SGK1: variants seen among roughly 807,000 people sequenced by gnomAD.
SGK1 encodes serum/glucocorticoid regulated kinase 1, also known as serine/threonine-protein kinase Sgk1.
SGK1 carries 26 observed loss-of-function variants against 64.2 expected under a neutral mutation model. The ratio of observed to expected loss-of-function variants is 0.40; its 90% CI spans 0.30 to 0.56. The LOEUF (loss-of-function observed/expected upper bound fraction) is 0.56, where lower values mean the gene tolerates loss of function less well. Ranked by LOEUF, SGK1 falls within the 20% of genes least tolerant of loss-of-function variation. The pLI, the probability that SGK1 is intolerant of heterozygous loss-of-function variation, is 0.38. For missense variants in SGK1, 519 were observed against 645.6 expected, an observed-to-expected ratio of 0.80 and a Z score of 2.12; for synonymous variants, 265 against 239.7, an observed-to-expected ratio of 1.11 and a Z score of -0.98.
intron 1 of SGK1, among the ~76,000 whole-genome samples, chr6:134,293,593 T>A (rs1364850433): frequency 1.3e-5 from 2 of 152,074 alleles, no homozygotes; most frequent in Non-Finnish European, 2.9e-5. Flanking sequence ...AGAACAGAAA[T>A]CAGACCACTT....
intron 10 of SGK1, 45 bp downstream of exon 10, chr6:134,172,146 CTT>C (rs765092308): frequency 3.1e-5 from 49 of 1,603,968 alleles, no homozygotes; most frequent in Middle Eastern, 3.3e-4. Flanking sequence ...ACATCTCTCT[CTT>C]GGAAGGCGGG....
chr6:134,266,811 GTAC>G (rs1489008376), intron 1 of SGK1, among the ~76,000 whole-genome samples: 8 of 152,064 alleles, frequency 5.3e-5, no homozygotes, highest in African/African-American at 1.9e-4. Flanking sequence ...CTTAATGTTA[GTAC>G]TAAATGTGTT....
At chr6:134,313,823 A>G (rs897729083) in intron 1 of SGK1, among the ~76,000 whole-genome samples, 13 of 152,188 alleles carry the variant, frequency 8.5e-5, no homozygotes, top group Non-Finnish European at 1.9e-4. Flanking sequence ...AGTTGGAGAC[A>G]ATGTCATTTG....
At chr6:134,228,841 CTTTTT>C (rs754300980) in intron 2 of SGK1, among the ~76,000 whole-genome samples, 2 of 129,944 alleles carry the variant, frequency 1.5e-5, no homozygotes, top group Non-Finnish European at 1.6e-5. Flanking sequence ...TGTAGTTGTT[CTTTTT>C]TTTTTTTTTT....
chr6:134,254,114 C>T (rs1469122817), intron 2 of SGK1, among the ~76,000 whole-genome samples: 15 of 126,792 alleles, frequency 1.2e-4, no homozygotes, highest in African/African-American at 2.1e-4. Context: ...CTAGTCTCTC[C>T]TTTTTTTTTT....
intron 3 of SGK1, among the ~76,000 whole-genome samples, chr6:134,178,334 G>A (rs1775280118): frequency 6.6e-6 from 1 of 152,152 alleles, no homozygotes; most frequent in Non-Finnish European, 1.5e-5. Flanking sequence ...TACGTGATGG[G>A]TGGAGCAGGC....
intron 2 of SGK1, among the ~76,000 whole-genome samples, chr6:134,233,608 A>G (rs1451479870): frequency 2.0e-5 from 3 of 152,158 alleles, no homozygotes; most frequent in African/African-American, 7.2e-5. Context: ...GTATTAACGA[A>G]CTCGAAATTG....
At chr6:134,228,185 C>A (rs1022522712) in intron 2 of SGK1, among the ~76,000 whole-genome samples, 1 of 152,048 alleles carries the variant, frequency 6.6e-6, no homozygotes, top group African/African-American at 2.4e-5. Flanking sequence ...GAACTCCTGA[C>A]CTCAGGTGAT....
intron 3 of SGK1, among the ~76,000 whole-genome samples, chr6:134,179,799 C>T (rs555523797): frequency 1.3e-5 from 2 of 152,232 alleles, no homozygotes; most frequent in South Asian, 4.1e-4. Context: ...TGATAATATT[C>T]TACACCCATT....
intron 2 of SGK1, among the ~76,000 whole-genome samples, chr6:134,244,888 G>C (rs1233997385): frequency 6.6e-6 from 1 of 152,206 alleles, no homozygotes; most frequent in Non-Finnish European, 1.5e-5. Flanking sequence ...TGATTCTCCT[G>C]CCTCAGCCCC....
At chr6:134,264,407 C>A (rs1776818822) in intron 1 of SGK1, among the ~76,000 whole-genome samples, 2 of 152,254 alleles carry the variant, frequency 1.3e-5, no homozygotes, top group South Asian at 4.2e-4. Flanking sequence ...GCTTGAGCCA[C>A]TGCGCCTGGC....
intron 3 of SGK1, 45 bp from the exon 4 acceptor site, chr6:134,174,631 A>T: frequency 6.2e-7 from 1 of 1,605,878 alleles, no homozygotes; most frequent in South Asian, 1.1e-5. Flanking sequence ...AGACGGCTTC[A>T]TAACGTCCGG....
chr6:134,212,494 C>T (rs1470806557), intron 2 of SGK1, among the ~76,000 whole-genome samples: 5 of 152,178 alleles, frequency 3.3e-5, no homozygotes, highest in African/African-American at 9.7e-5. Flanking sequence ...TCTTCCCTTT[C>T]ACTGCTCTCG....
At chr6:134,245,286 G>C (rs1398767153) in intron 2 of SGK1, among the ~76,000 whole-genome samples, 1 of 152,226 alleles carries the variant, frequency 6.6e-6, no homozygotes, top group Non-Finnish European at 1.5e-5. Flanking sequence ...TCCAGGCAGT[G>C]ACTATGTCTT....
intron 3 of SGK1, among the ~76,000 whole-genome samples, chr6:134,200,931 A>G (rs1775670254): frequency 6.6e-6 from 1 of 151,928 alleles, no homozygotes; most frequent in African/African-American, 2.4e-5. Context: ...CAGATTACAC[A>G]CTACATTAAA....
At chr6:134,172,105 T>C (rs1775046604) in intron 10 of SGK1, 88 bp downstream of exon 10, 4 of 1,429,310 alleles carry the variant, frequency 2.8e-6, no homozygotes, top group South Asian at 1.3e-5. Flanking sequence ...GAGAGGAGTT[T>C]ACTCTTTTTG....
rs1777364419 is a variant in SGK1 at position 134,297,000 on chromosome 6, T to C, written c.69+20392A>G. ...GGGAGGGGCTGCCATGGCTGTTCAC[T>C]CGGGCAGGACATCAGAGGACTTGGA... On this transcript the variant is annotated intron_variant, in intron 1 of 13. Transcript: ENST00000367858. The C allele has an allele frequency of 2.3e-5, 10 of 429,290 alleles. No individual in the cohort carries two copies. In the Admixed American group the frequency reaches 2.8e-4, roughly 12 times the overall value. The allele number at this position is 429,290 out of a possible 1,614,324, so 26.6% of individuals were successfully genotyped here.
intron 2 of SGK1, among the ~76,000 whole-genome samples, chr6:134,244,199 A>G (rs1404765915): frequency 6.6e-6 from 1 of 150,448 alleles, no homozygotes; most frequent in African/African-American, 2.4e-5. Context: ...TTCAACTACC[A>G]TTTATGAGTG....
chr6:134,220,058 C>CAAAA lies in SGK1; in HGVS notation c.286-12631_286-12628dup, dbSNP rs55870107. Among the ~76,000 whole-genome samples, 471 of 61,398 alleles carry CAAAA rather than the reference C, an allele frequency of 7.7e-3. 1 individual carries two copies. The highest frequency in any genetic ancestry group is 0.037 in the African/African-American group (345 of 9,236). 40.3% of individuals were successfully genotyped at this position (61,398 alleles called of 152,430 possible). A position where few individuals can be genotyped will look rare whatever the true frequency, so the allele number is the denominator to read the frequency against. On this transcript the variant is annotated intron_variant, in intron 2 of 13. Coordinates refer to ENST00000367858, the MANE Select transcript of SGK1 (RefSeq NM_001143676.3). The stretch of plus-strand genomic sequence containing the variant: ...TGGGCGACAGAGCGAGACTCCGTCT[C>CAAAA]AAAAAAAAAAAAAAAAAAAAAAAAA...
Sources: allele counts gnomAD v4.1 joint callset (sites outside exome capture counted in the v4.1 genomes callset), GRCh38; gene constraint gnomAD v4.1.1; transcripts MANE v1.5; gene names NCBI Gene and HGNC (gene_info 2026-07-23, HGNC 2026-07-21).